The following TRIM34 variants were observed in gnomAD, a reference collection of about 807,000 sequenced individuals.
TRIM34 encodes tripartite motif containing 34, also known as E3 ubiquitin-protein ligase TRIM34.
Under a neutral mutation model 38.1 loss-of-function variants are expected in TRIM34, and 41 were observed. The observed-to-expected ratio is 1.08, with a 90% CI of 0.84 to 1.40. The LOEUF (loss-of-function observed/expected upper bound fraction) is 1.40, where lower values mean the gene tolerates loss of function less well. TRIM34 is among the 40% of genes most tolerant of loss of function. The pLI is 0.00. For synonymous variants in TRIM34, 200 were observed against 202.5 expected (o/e 0.99, Z 0.10); for missense variants, 556 against 571.4 (o/e 0.97, Z 0.27).
In TRIM34 at chr11:5,642,389, A is replaced by T. The variant is rs909980515; in HGVS notation, c.774-17A>T. The stretch of plus-strand genomic sequence containing the variant: ...GGATGAGAGATGTGGGGGTCAAAAA[A>T]TTTTTTTCATCCCTAGGAGTGAGAT... On this transcript the variant is annotated splice_polypyrimidine_tract_variant and intron_variant, in intron 5 of 7. Transcript: ENST00000429814. The T allele has an allele frequency of 3.7e-6, 6 of 1,609,360 alleles. No individual in the cohort carries two copies. The highest frequency in any genetic ancestry group is 1.3e-5 in the African/African-American group (1 of 74,710).
chr11:5,639,024 A>T (rs1849868776), intron 4 of TRIM34, among the ~76,000 whole-genome samples: 1 of 152,142 alleles, frequency 6.6e-6, no homozygotes, highest in Non-Finnish European at 1.5e-5. Context: ...TGGGGTCTAG[A>T]AAGCTTTCTC....
At chr11:5,629,938 C>G (rs1849409935) in intron 1 of TRIM34, among the ~76,000 whole-genome samples, 1 of 152,156 alleles carries the variant, frequency 6.6e-6, no homozygotes, top group Non-Finnish European at 1.5e-5. Context: ...GATCTCCTTA[C>G]CTCGTGATCC....
chr11:5,625,451 A>C (rs572037120), intron 1 of TRIM34, among the ~76,000 whole-genome samples: 10 of 152,246 alleles, frequency 6.6e-5, no homozygotes, highest in Admixed American at 2.0e-4. Context: ...TCCCTCCTCA[A>C]AAGAGAAGTT....
At chr11:5,627,679 C>A (rs1054743958) in intron 1 of TRIM34, among the ~76,000 whole-genome samples, 4 of 152,088 alleles carry the variant, frequency 2.6e-5, no homozygotes, top group Non-Finnish European at 4.4e-5. Context: ...TAAGGAGTAG[C>A]TGAAGCAAGA....
chr11:5,640,988 A>G (rs1203141939), intron 4 of TRIM34, among the ~76,000 whole-genome samples, 179 bp from the exon 5 acceptor site: 1 of 150,898 alleles, frequency 6.6e-6, no homozygotes, highest in East Asian at 1.9e-4. Flanking sequence ...GTAATATCCC[A>G]TCTTTCATTC....
At chr11:5,636,942 C>T (rs1024454294) in intron 4 of TRIM34, among the ~76,000 whole-genome samples, 2 of 152,162 alleles carry the variant, frequency 1.3e-5, no homozygotes, top group South Asian at 2.1e-4. Flanking sequence ...GTCAGGAGAT[C>T]GAGATCATCC....
chr11:5,641,278 A>C, intron 5 of TRIM34, 89 bp downstream of exon 5: 2 of 1,598,126 alleles, frequency 1.3e-6, no homozygotes, highest in South Asian at 2.2e-5. Context: ...TTGGAATAAA[A>C]AATCTCCCAG....
rs755919979 is a variant in TRIM34, at chr11:5,632,547, G to A, written c.216G>A (p.Gln72=). The change falls in exon 2 of 8, where the codon CAG becomes CAA. Residue 72 remains glutamine, a synonymous_variant. Coordinates refer to ENST00000429814, the MANE Select transcript of TRIM34 (RefSeq NM_021616.6). ...CATTTGAACATCTACAGGCTAATCA[G>A]CATCTGGCCAACATAGTGGAGAGAC... The part of the protein sequence containing the change: ...SYSFEHLQAN[Q]HLANIVERLK... 5 of 1,613,952 alleles carry A rather than the reference G, an allele frequency of 3.1e-6. No individual in the cohort carries two copies. In the South Asian group the frequency reaches 4.4e-5, roughly 14 times the overall value.
At chr11:5,641,087 T>A (rs1020253541) in intron 4 of TRIM34, 80 bp from the exon 5 acceptor site, 34 of 1,497,608 alleles carry the variant, frequency 2.3e-5, no homozygotes, top group Non-Finnish European at 2.9e-5. Context: ...TCCATTTTTT[T>A]TCCTACTGTT....
chr11:5,624,576 G>A (rs1273649736), upstream of TRIM34, among the ~76,000 whole-genome samples: 1 of 152,218 alleles, frequency 6.6e-6, no homozygotes, highest in Non-Finnish European at 1.5e-5. Flanking sequence ...GCTGGCCTGG[G>A]AGGCAGGGAA....
chr11:5,634,537 A>G, intron 3 of TRIM34, 94 bp from the exon 4 acceptor site: 2 of 817,146 alleles, frequency 2.4e-6, no homozygotes, highest in South Asian at 4.0e-5. Context: ...ACACATATAT[A>G]TATATATATA....
intron 1 of TRIM34, 122 bp from the exon 2 acceptor site, chr11:5,632,133 G>T: frequency 7.1e-7 from 1 of 1,411,420 alleles, no homozygotes; most frequent in Non-Finnish European, 9.4e-7. Context: ...GCCATTTTTG[G>T]TTTCTCTTCC....
upstream of TRIM34, chr11:5,620,141 T>C (rs1221977427): frequency 3.3e-5 from 5 of 150,690 alleles, no homozygotes; most frequent in Admixed American, 1.3e-4. Flanking sequence ...TTTAGTTGGT[T>C]TAGCTTTTTT....
intron 4 of TRIM34, among the ~76,000 whole-genome samples, chr11:5,639,850 C>T (rs1849928491): frequency 6.6e-6 from 1 of 151,808 alleles, no homozygotes; most frequent in Non-Finnish European, 1.5e-5. Context: ...TTTATTGGTA[C>T]TTAATAAGTA....
Position 5,632,724 on chromosome 11 carries a change from C to A in TRIM34, c.393C>A (p.Val131=). The A allele has an allele frequency of 6.2e-7, 1 of 1,609,452 alleles. No individual in the cohort carries two copies. The highest frequency in any genetic ancestry group is 8.5e-7 in the Non-Finnish European group (1 of 1,177,376). ...AGGAGCACCGTGGTCACCACACAGT[C>A]CTCACGGAGGAAGTATTCAAGGAAT... ...RSQEHRGHHT[V]LTEEVFKECQ... is the part of the protein sequence containing the mutation. The change falls in exon 2 of 8, where the codon GTC becomes GTA. Residue 131 remains valine, a synonymous_variant. Transcript: ENST00000429814.
In TRIM34 at chr11:5,634,806, A is replaced by G; in HGVS notation, c.695A>G (p.Glu232Gly). 2 of 1,613,760 alleles carry G rather than the reference A, an allele frequency of 1.2e-6. No individual in the cohort carries two copies. The highest frequency in any genetic ancestry group is 1.7e-6 in the Non-Finnish European group (2 of 1,179,784). Residue 232 changes from glutamate (E) to glycine (G), a missense_variant, in exon 4 of 8, where the codon GAG (glutamate) becomes GGG (glycine). Coordinates refer to ENST00000429814, the MANE Select transcript of TRIM34 (RefSeq NM_021616.6). ...GTTCAGCAGAAGCAGTTGGTGAGAGAGCTCATCTCAGATGTGGAGTGTCGG... is the reference window on the plus strand; with the variant it reads ...GTTCAGCAGAAGCAGTTGGTGAGAGGGCTCATCTCAGATGTGGAGTGTCGG... ...ELVQQKQLVR[E>G]LISDVECRSQ...
At chr11:5,641,270 G>T in intron 5 of TRIM34, 81 bp downstream of exon 5, 3 of 1,600,272 alleles carry the variant, frequency 1.9e-6, no homozygotes, top group Non-Finnish European at 2.6e-6. Context: ...GTGGTCAATT[G>T]GAATAAAAAA....
At position 5,643,415 on chromosome 11, in the gene TRIM34, C is replaced by T. The variant is rs754573804; in HGVS notation, c.1173C>T (p.Tyr391=). 6.2e-7 allele frequency: 1 copy of T among 1,614,132 alleles called. No homozygotes were observed. ...CANRQNLYTK[Y]RPLFGYWVIG... ...ATCGTCAAAATCTTTACACCAAATACAGACCTCTATTTGGCTACTGGGTTA... is the reference window on the plus strand; with the variant it reads ...ATCGTCAAAATCTTTACACCAAATATAGACCTCTATTTGGCTACTGGGTTA... The change falls in exon 8 of 8, where the codon TAC becomes TAT. Residue 391 remains tyrosine, a synonymous_variant. Coordinates refer to ENST00000429814, the MANE Select transcript of TRIM34 (RefSeq NM_021616.6).
intron 2 of TRIM34, 88 bp from the exon 3 acceptor site, chr11:5,633,716 G>A: frequency 7.4e-7 from 1 of 1,359,358 alleles, no homozygotes; most frequent in South Asian, 1.5e-5. Context: ...CTTTTTTCTG[G>A]GATCAACTTG....
Sources: allele counts gnomAD v4.1 joint callset (sites outside exome capture counted in the v4.1 genomes callset), GRCh38; gene constraint gnomAD v4.1.1; transcripts MANE v1.5; gene names NCBI Gene and HGNC (gene_info 2026-07-23, HGNC 2026-07-21).